RNF138: variants seen among roughly 807,000 people sequenced by gnomAD.
RNF138 encodes the protein E3 ubiquitin-protein ligase RNF138.
RNF138 carries 12 observed loss-of-function variants against 31.0 expected under a neutral mutation model. That is an observed-to-expected ratio of 0.39 (90% CI 0.25 to 0.63). The LOEUF is 0.63. Ranked by LOEUF, RNF138 falls within the 20% of genes least tolerant of loss-of-function variation. The probability of loss-of-function intolerance (pLI) is 0.52; values close to 1 mark genes in which losing one functional copy is unlikely to be tolerated. For missense variants in RNF138, 192 were observed against 300.1 expected (o/e 0.64, Z 2.66); for synonymous variants, 105 against 99.5 (o/e 1.06, Z -0.33).
chr18:32,128,885 CTGTT>C (rs149002606), intron 7 of RNF138, among the ~76,000 whole-genome samples: 12,346 of 152,140 alleles, frequency 0.081, 599 homozygotes, highest in Non-Finnish European at 0.1. Context: ...ATGATCCTCT[CTGTT>C]TGTTTGTTAT....
In RNF138 at chr18:32,111,773, C is replaced by T; in HGVS notation, c.130C>T (p.Leu44=). 5 of 1,611,406 alleles carry T rather than the reference C, an allele frequency of 3.1e-6. No individual in the cohort carries two copies. Among genetic ancestry groups the T allele is most frequent in the Non-Finnish European group, 4.2e-6 (5 of 1,179,454 alleles). The change falls in exon 3 of 8, where the codon CTG becomes TTG. Residue 44 remains leucine, a synonymous_variant. Coordinates refer to ENST00000261593, the MANE Select transcript of RNF138 (RefSeq NM_016271.5). ...GTTTAGTTTCTGTAGAAAATGTTTCCTGACTGCAATGAGGGAAAGCGGAGC... is the reference window on the plus strand; with the variant it reads ...GTTTAGTTTCTGTAGAAAATGTTTCTTGACTGCAATGAGGGAAAGCGGAGC... ...CQHVFCRKCF[L]TAMRESGAHC... is the part of the protein sequence containing the mutation.
In RNF138 at chr18:32,129,193, G is replaced by A. The variant is rs1257287453; in HGVS notation, c.*6G>A. ...CTTTTCAAGTAAACATCTGAAGGCT[G>A]TAGACATCTCTGCATCTTTGTACCT... On this transcript the variant is annotated 3_prime_UTR_variant, in exon 8 of 8. Coordinates refer to ENST00000261593, the MANE Select transcript of RNF138 (RefSeq NM_016271.5). The A allele has an allele frequency of 5.6e-6, 9 of 1,605,098 alleles. No homozygotes were observed. The Admixed American group carries it at 1.3e-4, about 24-fold the overall frequency.
chr18:32,094,429 G>T (rs2039768046), intron 2 of RNF138, among the ~76,000 whole-genome samples: 1 of 152,074 alleles, frequency 6.6e-6, no homozygotes, highest in Non-Finnish European at 1.5e-5. Flanking sequence ...TTACGCTTTT[G>T]CTCTTTAAGG....
At chr18:32,099,356 GTACA>G (rs905801650) in intron 2 of RNF138, among the ~76,000 whole-genome samples, 19 of 151,828 alleles carry the variant, frequency 1.3e-4, no homozygotes, top group African/African-American at 3.4e-4. Flanking sequence ...ATGCTTGGTT[GTACA>G]GAGGAAGGAA....
chr18:32,115,825 C>T (rs994858071), intron 4 of RNF138, among the ~76,000 whole-genome samples: 4 of 152,138 alleles, frequency 2.6e-5, no homozygotes, highest in Non-Finnish European at 5.9e-5. Flanking sequence ...CTGGCCCTTT[C>T]CTCTCTTTTT....
At chr18:32,127,440 A>G (rs1481011774) in intron 7 of RNF138, among the ~76,000 whole-genome samples, 1 of 152,210 alleles carries the variant, frequency 6.6e-6, no homozygotes, top group Non-Finnish European at 1.5e-5. Flanking sequence ...TTTATTTAAG[A>G]TTAGTCCTGA....
intron 4 of RNF138, 76 bp from the exon 5 acceptor site, chr18:32,123,442 A>C: frequency 1.1e-6 from 1 of 895,588 alleles, no homozygotes; most frequent in Non-Finnish European, 1.7e-6. Flanking sequence ...CTTCTTCATT[A>C]ATGGTTCAAG....
At chr18:32,120,930 G>A (rs2040293910) in intron 4 of RNF138, among the ~76,000 whole-genome samples, 1 of 151,980 alleles carries the variant, frequency 6.6e-6, no homozygotes, top group African/African-American at 2.4e-5. Context: ...GGTCACTTGA[G>A]GTCAGGACCA....
intron 6 of RNF138, among the ~76,000 whole-genome samples, chr18:32,125,876 G>T (rs2040376108): frequency 6.6e-6 from 1 of 152,228 alleles, no homozygotes; most frequent in East Asian, 1.9e-4. Context: ...TATTAGAATG[G>T]GTTCAGTTAT....
chr18:32,125,277 T>C (rs2040366372), intron 6 of RNF138: 1 of 154,626 alleles, frequency 6.5e-6, no homozygotes, highest in African/African-American at 2.4e-5. Context: ...TTGCAGCATA[T>C]AGTATGTGAA....
At chr18:32,111,305 G>A (rs1243158940) in intron 2 of RNF138, among the ~76,000 whole-genome samples, 1 of 152,130 alleles carries the variant, frequency 6.6e-6, no homozygotes, top group Non-Finnish European at 1.5e-5. Flanking sequence ...ACAACATGTC[G>A]ATATACATCA....
chr18:32,126,344 T>C (rs2040383173), intron 6 of RNF138, among the ~76,000 whole-genome samples: 1 of 152,258 alleles, frequency 6.6e-6, no homozygotes. Flanking sequence ...ATATGGTTAT[T>C]GTATGGATCA....
In RNF138 at chr18:32,107,868, T is replaced by C. The variant is rs1013665871; in HGVS notation, c.111-3886T>C. On this transcript the variant is annotated intron_variant, in intron 2 of 7. Transcript: ENST00000261593. ...AATATAACTACCCTTGTTTAAAGGG[T>C]ACTTTTTTTTTGGAGACGGATTCTC... 3.3e-5 allele frequency among the ~76,000 whole-genome samples: 5 copies of C among 151,454 alleles called. No individual in the cohort carries two copies. In the South Asian group the frequency reaches 1.0e-3, roughly 32 times the overall value.
At chr18:32,115,526 C>G (rs1477042672) in intron 4 of RNF138, among the ~76,000 whole-genome samples, 1 of 152,168 alleles carries the variant, frequency 6.6e-6, no homozygotes, top group Non-Finnish European at 1.5e-5. Flanking sequence ...GGGCAGATCA[C>G]TTGAGGTCAG....
Position 32,118,311 on chromosome 18 carries a change from A to G in RNF138, c.392+4451A>G, listed in dbSNP as rs558800881. Among the ~76,000 whole-genome samples the G allele has an allele frequency of 2.6e-5, 4 of 151,518 alleles. No homozygotes were observed. In the East Asian group the frequency reaches 7.8e-4, roughly 30 times the overall value. On this transcript the variant is annotated intron_variant, in intron 4 of 7. Transcript: ENST00000261593. ...AGCTTTGGGAGGCCAAGGTGGGCAGATCACCTGAAGTCAGGAGTTCAAGAC... is the reference window on the plus strand; with the variant it reads ...AGCTTTGGGAGGCCAAGGTGGGCAGGTCACCTGAAGTCAGGAGTTCAAGAC...
At chr18:32,108,685 A>T (rs1254927176) in intron 2 of RNF138, among the ~76,000 whole-genome samples, 1 of 151,974 alleles carries the variant, frequency 6.6e-6, no homozygotes, top group Non-Finnish European at 1.5e-5. Context: ...TTGGTTTTTA[A>T]ATAGATGCAG....
rs114104374 is a variant in RNF138, at chr18:32,092,713, G to T, written c.-64G>T. 0.017 allele frequency: 17,407 copies of T among 1,026,234 alleles called. 201 individuals carry two copies. The highest frequency in any genetic ancestry group is 0.02 in the Non-Finnish European group (13,833 of 683,596). 63.6% of individuals were successfully genotyped at this position (1,026,234 alleles called of 1,614,324 possible). The stretch of plus-strand genomic sequence containing the variant: ...GGGTTCATGTAGGGAGTCGGGCCCC[G>T]GGCCGCCACCGTCACCTCGGCCGCT... On this transcript the variant is annotated 5_prime_UTR_variant, in exon 2 of 8. Transcript: ENST00000261593.
intron 2 of RNF138, among the ~76,000 whole-genome samples, chr18:32,094,161 A>T (rs2039762721): frequency 6.6e-6 from 1 of 152,060 alleles, no homozygotes; most frequent in African/African-American, 2.4e-5. Flanking sequence ...ACTGAAAAGA[A>T]TTGACCAACC....
At chr18:32,101,304 C>T (rs1030160157) in intron 2 of RNF138, among the ~76,000 whole-genome samples, 29 of 151,568 alleles carry the variant, frequency 1.9e-4, no homozygotes, top group Admixed American at 5.3e-4. Context: ...CTGTAACCTC[C>T]GCCTCCTAGG....
Sources: gnomAD v4.1 joint callset for allele counts (sites outside exome capture counted in the v4.1 genomes callset) on GRCh38, gnomAD v4.1.1 for gene constraint, MANE v1.5 for transcripts, NCBI Gene and HGNC (gene_info 2026-07-23, HGNC 2026-07-21) for gene names.